LRRC28: variants seen among roughly 807,000 people sequenced by gnomAD.
LRRC28 encodes the protein leucine rich repeat containing 28, also known as leucine-rich repeat-containing protein 28.
LRRC28 carries 39 observed loss-of-function variants against 45.7 expected under a neutral mutation model. The observed-to-expected ratio is 0.85, with a 90% CI of 0.66 to 1.12. LRRC28 has a LOEUF of 1.12. Among genes scored for constraint, LRRC28 ranks in the 50% most tolerant of loss-of-function variants. The probability of loss-of-function intolerance (pLI) is 0.00; values close to 1 mark genes in which losing one functional copy is unlikely to be tolerated. For synonymous variants in LRRC28, 206 were observed against 178.8 expected (o/e 1.15, Z -1.22); for missense variants, 435 against 438.5 (o/e 0.99, Z 0.07).
chr15:99,350,538 TC>T (rs1481758353), intron 6 of LRRC28, among the ~76,000 whole-genome samples: 1 of 152,236 alleles, frequency 6.6e-6, no homozygotes, highest in African/African-American at 2.4e-5. Context: ...TTACTGTTTT[TC>T]CTGTTTCCAC....
chr15:99,303,889 A>C (rs992123741), intron 5 of LRRC28, among the ~76,000 whole-genome samples: 26 of 152,240 alleles, frequency 1.7e-4, no homozygotes, highest in African/African-American at 5.8e-4. Flanking sequence ...TAGTTTTCTC[A>C]ACAAAGACAG....
rs751525751 is a variant in LRRC28, at chr15:99,287,938, A to G, written c.372A>G (p.Gln124=). Residue 124 remains glutamine (Q), a synonymous_variant, in exon 5 of 10, where the codon CAA becomes CAG. Coordinates refer to ENST00000301981, the MANE Select transcript of LRRC28 (RefSeq NM_144598.5). ...TTCGATTAGCTAATAACCAACTGCA[A>G]TTCCTACCTCCAGGTAATCATAGTC... ...RHLRLANNQL[Q]FLPPEVGDLK... is the part of the protein sequence containing the mutation. 1.4e-5 allele frequency: 23 copies of G among 1,613,294 alleles called. No individual in the cohort carries two copies. Among genetic ancestry groups the G allele is most frequent in the South Asian group, 5.5e-5 (5 of 90,994 alleles).
chr15:99,314,092 C>T (rs1287105213), intron 5 of LRRC28, among the ~76,000 whole-genome samples: 1 of 152,174 alleles, frequency 6.6e-6, no homozygotes, highest in East Asian at 1.9e-4. Context: ...CTGAGTTTGT[C>T]ACATGCCTTA....
At position 99,386,878 on chromosome 15, in the gene LRRC28, AGCTTT is replaced by A. The variant is rs1318901848; in HGVS notation, c.*777_*781del. On this transcript the variant is annotated 3_prime_UTR_variant, in exon 10 of 10. Transcript: ENST00000301981. ...TGAGAAGAATTTGAGGAATATTTGA[AGCTTT>A]ACAAGATCTGATTTTTTTCTTTCTC... The A allele has an allele frequency of 5.9e-5, 9 of 152,310 alleles. No individual in the cohort carries two copies. The highest frequency in any genetic ancestry group is 2.2e-4 in the African/African-American group (9 of 41,554). 9.4% of individuals were successfully genotyped at this position (152,310 alleles called of 1,614,324 possible).
intron 2 of LRRC28, among the ~76,000 whole-genome samples, chr15:99,264,264 G>A (rs926499315): frequency 1.3e-5 from 2 of 152,142 alleles, no homozygotes; most frequent in Admixed American, 1.3e-4. Context: ...GAGAGGGAGA[G>A]GAGGAAGTGG....
intron 2 of LRRC28, among the ~76,000 whole-genome samples, chr15:99,275,510 C>G (rs547517834): frequency 1.3e-5 from 2 of 152,346 alleles, no homozygotes; most frequent in Non-Finnish European, 1.5e-5. Flanking sequence ...TCTCGAGGAG[C>G]ATGATTTGGG....
chr15:99,355,944 GC>G (rs1279205941), intron 7 of LRRC28, among the ~76,000 whole-genome samples: 1 of 152,140 alleles, frequency 6.6e-6, no homozygotes, highest in African/African-American at 2.4e-5. Flanking sequence ...GGGGCTGCCT[GC>G]CCCCAGTATC....
intron 6 of LRRC28, among the ~76,000 whole-genome samples, chr15:99,343,987 C>T (rs553210096): frequency 5.3e-5 from 8 of 152,252 alleles, no homozygotes; most frequent in African/African-American, 1.9e-4. Flanking sequence ...CAGCCTGTGA[C>T]CTTGCCCGGC....
chr15:99,384,423 C>G (rs974707304), intron 9 of LRRC28: 1 of 152,236 alleles, frequency 6.6e-6, no homozygotes, highest in African/African-American at 2.4e-5. Context: ...ATAAATATAT[C>G]TTTATCTGGC....
At chr15:99,323,570 G>A (rs1246281215) in intron 5 of LRRC28, among the ~76,000 whole-genome samples, 1 of 152,146 alleles carries the variant, frequency 6.6e-6, no homozygotes, top group Non-Finnish European at 1.5e-5. Flanking sequence ...AAGGAAGATA[G>A]TGCTTCACAG....
chr15:99,348,137 T>TA (rs1189280656), intron 6 of LRRC28, among the ~76,000 whole-genome samples: 1 of 152,228 alleles, frequency 6.6e-6, no homozygotes, highest in African/African-American at 2.4e-5. Flanking sequence ...TTTCTGCTAT[T>TA]ACGTTATAAG....
At chr15:99,331,537 A>G (rs1482612537) in intron 5 of LRRC28, among the ~76,000 whole-genome samples, 1 of 152,146 alleles carries the variant, frequency 6.6e-6, no homozygotes. Flanking sequence ...CTCTTTCCAT[A>G]TCATTGCTTT....
intron 5 of LRRC28, among the ~76,000 whole-genome samples, chr15:99,301,911 A>G (rs764506875): frequency 3.9e-5 from 6 of 152,148 alleles, no homozygotes; most frequent in Non-Finnish European, 8.8e-5. Flanking sequence ...CTGATTTACA[A>G]TGTGTGTTCC....
At chr15:99,354,035 TATAGTA>T (rs1597412600) in intron 7 of LRRC28, 1 of 152,168 alleles carries the variant, frequency 6.6e-6, no homozygotes, top group East Asian at 1.9e-4. Context: ...AAACTTTTGT[TATAGTA>T]ATAGAGAAAT....
intron 5 of LRRC28, among the ~76,000 whole-genome samples, chr15:99,313,422 A>G (rs1325444451): frequency 6.6e-6 from 1 of 152,160 alleles, no homozygotes; most frequent in East Asian, 1.9e-4. Context: ...TTGTTGACCA[A>G]CTTGAACTAA....
At chr15:99,331,337 A>T (rs892349817) in intron 5 of LRRC28, among the ~76,000 whole-genome samples, 11 of 152,206 alleles carry the variant, frequency 7.2e-5, no homozygotes, top group African/African-American at 2.7e-4. Flanking sequence ...TAGCATTGGC[A>T]TCAGCACACT....
At chr15:99,257,986 T>C in intron 2 of LRRC28, 1 of 874,734 alleles carries the variant, frequency 1.1e-6, no homozygotes, top group South Asian at 1.3e-5. Flanking sequence ...CACTGACTAA[T>C]GAAAATGCTC....
intron 7 of LRRC28, chr15:99,355,814 A>C (rs1294261302): frequency 6.6e-6 from 1 of 152,034 alleles, no homozygotes; most frequent in Non-Finnish European, 1.5e-5. Flanking sequence ...ATTTGTGTCC[A>C]AATTGGTTAA....
Position 99,269,075 on chromosome 15 carries a change from G to GT in LRRC28, c.169-7493dup, listed in dbSNP as rs574928357. On this transcript the variant is annotated intron_variant, in intron 2 of 9. Coordinates refer to ENST00000301981, the MANE Select transcript of LRRC28 (RefSeq NM_144598.5). Reference sequence around the variant, plus strand: ...TTTTTGTAAATGTACTGGATGTATAGTTTTTTTTATTTTGAGCTCATTCTG... The same window carrying GT: ...TTTTTGTAAATGTACTGGATGTATAGTTTTTTTTTATTTTGAGCTCATTCTG... Among the ~76,000 whole-genome samples the GT allele has an allele frequency of 9.2e-5, 14 of 151,898 alleles. No individual in the cohort carries two copies. The South Asian group carries it at 1.7e-3, about 18-fold the overall frequency.
Sources: allele counts gnomAD v4.1 joint callset (sites outside exome capture counted in the v4.1 genomes callset), GRCh38; gene constraint gnomAD v4.1.1; transcripts MANE v1.5; gene names NCBI Gene and HGNC (gene_info 2026-07-23, HGNC 2026-07-21).